SPATA16: variants seen among roughly 807,000 people sequenced by gnomAD.
SPATA16 encodes spermatogenesis-associated protein 16.
Under a neutral mutation model 63.3 loss-of-function variants are expected in SPATA16, and 36 were observed. The observed-to-expected ratio is 0.57, with a 90% CI of 0.44 to 0.75. SPATA16 has a LOEUF of 0.75. Among genes scored for constraint, SPATA16 ranks in the 30% least tolerant of loss-of-function variants. SPATA16 has a pLI of 0.00. For missense variants in SPATA16, 646 were observed against 679.3 expected (o/e 0.95, Z 0.54); for synonymous variants, 203 against 216.7 (o/e 0.94, Z 0.56).
chr3:173,037,910 T>C (rs1735751045), intron 3 of SPATA16, among the ~76,000 whole-genome samples: 1 of 152,138 alleles, frequency 6.6e-6, no homozygotes, highest in Admixed American at 6.6e-5. Flanking sequence ...CTGTTAAGGC[T>C]AATGCTATGT....
intron 5 of SPATA16, among the ~76,000 whole-genome samples, chr3:172,971,194 G>A (rs575334628): frequency 6.6e-6 from 1 of 152,152 alleles, no homozygotes; most frequent in Non-Finnish European, 1.5e-5. Context: ...TTGGAAACCT[G>A]CAACTTTCTT....
chr3:172,990,478 T>G (rs1276159923), intron 4 of SPATA16, among the ~76,000 whole-genome samples: 1 of 152,152 alleles, frequency 6.6e-6, no homozygotes, highest in Non-Finnish European at 1.5e-5. Flanking sequence ...ATACATAAAC[T>G]AGTACATTTA....
At chr3:172,926,683 C>T (rs1732745468) in intron 6 of SPATA16, among the ~76,000 whole-genome samples, 1 of 152,190 alleles carries the variant, frequency 6.6e-6, no homozygotes, top group Admixed American at 6.5e-5. Flanking sequence ...GATGATAAGA[C>T]TGGTGCTTGA....
intron 2 of SPATA16, among the ~76,000 whole-genome samples, chr3:173,102,931 G>A (rs891220009): frequency 3.9e-5 from 6 of 152,142 alleles, no homozygotes; most frequent in African/African-American, 7.2e-5. Flanking sequence ...AGATACAATG[G>A]AGGTACAGAC....
intron 3 of SPATA16, among the ~76,000 whole-genome samples, chr3:173,024,985 CTAAT>C (rs1229892555): frequency 6.6e-6 from 1 of 150,700 alleles, no homozygotes; most frequent in Non-Finnish European, 1.5e-5. Flanking sequence ...CTCCCAGTCT[CTAAT>C]TATAGATTTT....
At chr3:173,096,195 TG>T (rs1160163913) in intron 2 of SPATA16, among the ~76,000 whole-genome samples, 2 of 152,074 alleles carry the variant, frequency 1.3e-5, no homozygotes, top group Non-Finnish European at 1.5e-5. Context: ...CCTTAAGAAA[TG>T]GGCATTTGGG....
At chr3:173,066,117 G>A (rs977905033) in intron 2 of SPATA16, among the ~76,000 whole-genome samples, 5 of 152,058 alleles carry the variant, frequency 3.3e-5, no homozygotes, top group African/African-American at 9.7e-5. Context: ...TCACAATTTC[G>A]ATACCAGCTC....
At chr3:173,102,172 G>A (rs1737513198) in intron 2 of SPATA16, among the ~76,000 whole-genome samples, 11 of 152,048 alleles carry the variant, frequency 7.2e-5, no homozygotes, top group Admixed American at 7.2e-4. Flanking sequence ...CTAATCTTGG[G>A]TTTCAAGTCT....
chr3:172,900,203 G>A (rs1225080361), intron 10 of SPATA16, among the ~76,000 whole-genome samples: 2 of 152,086 alleles, frequency 1.3e-5, no homozygotes, highest in Non-Finnish European at 2.9e-5. Flanking sequence ...GCATTGGGTT[G>A]GCAATTCTTT....
rs185810650 is a variant in SPATA16 at position 172,965,872 on chromosome 3, G to A, written c.934-9048C>T. On this transcript the variant is annotated intron_variant, in intron 5 of 10. Coordinates refer to ENST00000351008, the MANE Select transcript of SPATA16 (RefSeq NM_031955.6). Reference sequence around the variant, plus strand: ...ATTACAGGCGTGAGCCACTGCGCCCGGCCTTTTCTTTATTATTTCTTTAAT... The same window carrying A: ...ATTACAGGCGTGAGCCACTGCGCCCAGCCTTTTCTTTATTATTTCTTTAAT... Among the ~76,000 whole-genome samples, 454 of 152,222 alleles carry A rather than the reference G, an allele frequency of 3.0e-3. 1 individual carries two copies. Among genetic ancestry groups the A allele is most frequent in the African/African-American group, 1.0e-2 (415 of 41,522 alleles).
chr3:173,021,545 T>C (rs1030646387), intron 3 of SPATA16, among the ~76,000 whole-genome samples: 1 of 152,118 alleles, frequency 6.6e-6, no homozygotes, highest in African/African-American at 2.4e-5. Flanking sequence ...ACCATGAATA[T>C]TTTTTATTAC....
chr3:172,933,614 A>G (rs1732917804), intron 6 of SPATA16, among the ~76,000 whole-genome samples: 1 of 152,200 alleles, frequency 6.6e-6, no homozygotes, highest in Non-Finnish European at 1.5e-5. Context: ...TCTCAAGTTG[A>G]CTGTGGAAAC....
At chr3:172,957,209 T>C (rs1733618595) in intron 5 of SPATA16, among the ~76,000 whole-genome samples, 1 of 152,146 alleles carries the variant, frequency 6.6e-6, no homozygotes, top group Non-Finnish European at 1.5e-5. Flanking sequence ...AGAGATTTCT[T>C]TTAAAAACTA....
intron 2 of SPATA16, among the ~76,000 whole-genome samples, chr3:173,108,787 A>G (rs1208772619): frequency 6.6e-6 from 1 of 152,176 alleles, no homozygotes; most frequent in Non-Finnish European, 1.5e-5. Flanking sequence ...ATGATTAGAT[A>G]CACAAATACT....
chr3:173,045,527 C>T (rs1010872965), intron 3 of SPATA16, among the ~76,000 whole-genome samples: 4 of 152,172 alleles, frequency 2.6e-5, no homozygotes, highest in African/African-American at 9.6e-5. Flanking sequence ...TTCACAAAAC[C>T]TTGTGAAATA....
At chr3:173,008,691 TA>T (rs1207213861) in intron 4 of SPATA16, among the ~76,000 whole-genome samples, 1 of 152,124 alleles carries the variant, frequency 6.6e-6, no homozygotes, top group Non-Finnish European at 1.5e-5. Context: ...ATTTTAAAAA[TA>T]AATCAGTATA....
At chr3:172,914,419 T>C (rs1205929983) in intron 9 of SPATA16, among the ~76,000 whole-genome samples, 20 of 152,086 alleles carry the variant, frequency 1.3e-4, no homozygotes, top group Admixed American at 1.3e-3. Context: ...ATTCAAAGGT[T>C]AAAAAAAGTT....
intron 2 of SPATA16, among the ~76,000 whole-genome samples, chr3:173,074,810 A>C (rs1311089469): frequency 3.3e-5 from 5 of 151,808 alleles, no homozygotes; most frequent in African/African-American, 1.2e-4. Context: ...CCAGCCTGGA[A>C]AACATGGTGA....
intron 4 of SPATA16, among the ~76,000 whole-genome samples, chr3:173,007,975 T>C (rs965094535): frequency 6.6e-6 from 1 of 152,216 alleles, no homozygotes; most frequent in Non-Finnish European, 1.5e-5. Context: ...CTGATATGAA[T>C]ACATATTCAT....
Sources: allele counts gnomAD v4.1 joint callset (sites outside exome capture counted in the v4.1 genomes callset), GRCh38; gene constraint gnomAD v4.1.1; transcripts MANE v1.5; gene names NCBI Gene and HGNC (gene_info 2026-07-23, HGNC 2026-07-21).